The following ATXN7 variants were observed in gnomAD, a reference collection of about 807,000 sequenced individuals.
ATXN7 encodes ataxin 7, also known as ataxin-7.
ATXN7 carries 12 observed loss-of-function variants against 70.5 expected under a neutral mutation model. The ratio of observed to expected loss-of-function variants is 0.17; its 90% CI spans 0.11 to 0.28. The LOEUF is 0.28. Ranked by LOEUF, ATXN7 falls within the 10% of genes least tolerant of loss-of-function variation. ATXN7 has a pLI of 1.00. For missense variants in ATXN7, 1,256 were observed against 1,131.7 expected (o/e 1.11, Z -1.58); for synonymous variants, 498 against 448.7 (o/e 1.11, Z -1.39).
rs553671219 is a variant in ATXN7 at position 63,990,509 on chromosome 3, G to C, written c.1560+135G>C. On this transcript the variant is annotated intron_variant, in intron 10 of 12. Transcript: ENST00000674280. Reference sequence around the variant, plus strand: ...AAGGTGTGAGAGAAGTTCAAAACAGGGTGCCCCAGAGGCAGCACACACTCT... The same window carrying C: ...AAGGTGTGAGAGAAGTTCAAAACAGCGTGCCCCAGAGGCAGCACACACTCT... 2.3e-5 allele frequency: 29 copies of C among 1,252,022 alleles called. No individual in the cohort carries two copies. In the Admixed American group the frequency reaches 3.5e-4, roughly 15 times the overall value. The allele number at this position is 1,252,022 out of a possible 1,614,324, so 77.6% of individuals were successfully genotyped here. A position where few individuals can be genotyped will look rare whatever the true frequency, so the allele number is the denominator to read the frequency against.
intron 12 of ATXN7, chr3:63,998,703 C>T (rs1329287961): frequency 1.0e-6 from 1 of 982,008 alleles, no homozygotes; most frequent in Non-Finnish European, 1.2e-6. Context: ...AGAAGTATTG[C>T]ACATTTTTAT....
intron 6 of ATXN7, chr3:63,980,613 G>A (rs948675064): frequency 5.7e-6 from 1 of 174,562 alleles, no homozygotes; most frequent in Admixed American, 5.4e-5. Flanking sequence ...GCAAGGCACT[G>A]TTTCTGTCTA....
rs2075850667 is a variant in ATXN7, at chr3:64,002,992, T to G, written c.*3525T>G. The G allele has an allele frequency of 6.6e-6, 1 of 152,190 alleles. No individual in the cohort carries two copies. The highest frequency in any genetic ancestry group is 1.5e-5 in the Non-Finnish European group (1 of 68,028). 9.4% of individuals were successfully genotyped at this position (152,190 alleles called of 1,614,324 possible). ...ATGTAACTTATAAGGGCAGCTGTCT[T>G]CCTGCAAGAGTTCTGTTGCCAAGGA... is the stretch of plus-strand genomic sequence containing the variant. On this transcript the variant is annotated 3_prime_UTR_variant, in exon 13 of 13. Coordinates refer to ENST00000674280, the MANE Select transcript of ATXN7 (RefSeq NM_001377405.1).
In ATXN7 at chr3:63,980,437, C is replaced by CACT; in HGVS notation, c.752+271_752+273dup. On this transcript the variant is annotated intron_variant, in intron 6 of 12. Coordinates refer to ENST00000674280, the MANE Select transcript of ATXN7 (RefSeq NM_001377405.1). The stretch of plus-strand genomic sequence containing the variant: ...ACCTAACTCTATGTGTGTACTATGT[C>CACT]ACTTATCACAACAACCCTATGGAAT... The CACT allele has an allele frequency of 6.5e-6, 3 of 463,070 alleles. No individual in the cohort carries two copies. In the South Asian group the frequency reaches 8.5e-5, roughly 13 times the overall value. The allele number at this position is 463,070 out of a possible 1,614,324, so 28.7% of individuals were successfully genotyped here.
At chr3:63,925,084 C>T (rs1455565611) in intron 4 of ATXN7, among the ~76,000 whole-genome samples, 2 of 152,116 alleles carry the variant, frequency 1.3e-5, no homozygotes, top group African/African-American at 4.8e-5. Flanking sequence ...ATCACATTCT[C>T]ATGAGAGGAA....
intron 1 of ATXN7, among the ~76,000 whole-genome samples, chr3:63,884,239 A>T (rs1575845201): frequency 1.0e-5 from 1 of 95,390 alleles, no homozygotes; most frequent in Admixed American, 1.2e-4. Flanking sequence ...ACACACACAC[A>T]CATACTCTCA....
At chr3:63,964,356 A>C (rs373029866) in intron 5 of ATXN7, among the ~76,000 whole-genome samples, 41 of 152,112 alleles carry the variant, frequency 2.7e-4, no homozygotes, top group African/African-American at 8.9e-4. Context: ...AGAGGATCAT[A>C]ATTTTGAGTG....
intron 2 of ATXN7, among the ~76,000 whole-genome samples, chr3:63,911,337 G>A (rs1036350582): frequency 2.6e-5 from 4 of 152,124 alleles, no homozygotes; most frequent in African/African-American, 9.7e-5. Context: ...CAAATGTTGT[G>A]TATGTTGGGG....
chr3:63,921,560 C>T (rs1704512967), intron 4 of ATXN7, among the ~76,000 whole-genome samples: 1 of 152,160 alleles, frequency 6.6e-6, no homozygotes, highest in South Asian at 2.1e-4. Flanking sequence ...AGCTTTAAAT[C>T]ATTATTTCCA....
intron 5 of ATXN7, among the ~76,000 whole-genome samples, chr3:63,978,180 G>A (rs1030668064): frequency 2.0e-5 from 3 of 152,270 alleles, no homozygotes; most frequent in Non-Finnish European, 4.4e-5. Flanking sequence ...CACCCCAAAC[G>A]AATTAACTCA....
chr3:63,867,456 A>G (rs1702467095), intron 1 of ATXN7, among the ~76,000 whole-genome samples: 1 of 152,134 alleles, frequency 6.6e-6, no homozygotes, highest in Non-Finnish European at 1.5e-5. Context: ...CTCCTGCCAC[A>G]GCCTCCCAGA....
At chr3:63,907,583 C>T (rs912307226) in intron 2 of ATXN7, among the ~76,000 whole-genome samples, 13 of 151,102 alleles carry the variant, frequency 8.6e-5, no homozygotes, top group African/African-American at 2.4e-4. Flanking sequence ...CTCAGCCTCC[C>T]GAGTAGCTGG....
rs550173525 is a variant in ATXN7, at chr3:63,935,236, C to T, written c.395-17143C>T. 2.6e-5 allele frequency among the ~76,000 whole-genome samples: 4 copies of T among 152,142 alleles called. No homozygotes were observed. In the Middle Eastern group the frequency reaches 0.01, roughly 388 times the overall value. On this transcript the variant is annotated intron_variant, in intron 4 of 12. Transcript: ENST00000674280. ...GATCACTTACGGCGATTCCTGTGGC[C>T]CTGCAGTAACTAAATTATTTGGAGT... is the stretch of plus-strand genomic sequence containing the variant.
rs1703933539 is a variant in ATXN7, at chr3:63,909,102, T to TG, written c.-11-3484dup. On this transcript the variant is annotated intron_variant, in intron 2 of 12. Coordinates refer to ENST00000674280, the MANE Select transcript of ATXN7 (RefSeq NM_001377405.1). The stretch of plus-strand genomic sequence containing the variant: ...TCTGTAGCAGGCAATCAGGAATTGT[T>TG]GGATAAATTGAATACTCATTATTCA... Among the ~76,000 whole-genome samples, 3 of 152,210 alleles carry TG rather than the reference T, an allele frequency of 2.0e-5. 1 individual carries two copies. Among genetic ancestry groups the TG allele is most frequent in the Admixed American group, 2.0e-4 (3 of 15,280 alleles).
At chr3:63,998,731 G>A (rs898311162) in intron 12 of ATXN7, 118 of 968,296 alleles carry the variant, frequency 1.2e-4, no homozygotes, top group Non-Finnish European at 1.4e-4. Flanking sequence ...TTCATTTATC[G>A]TATAGCTTTC....
Position 63,982,311 on chromosome 3 carries a change from C to T in ATXN7, c.878C>T (p.Pro293Leu), listed in dbSNP as rs976508390. 3 of 1,614,158 alleles carry T rather than the reference C, an allele frequency of 1.9e-6. No individual in the cohort carries two copies. Among genetic ancestry groups the T allele is most frequent in the Middle Eastern group, 1.6e-4 (1 of 6,062 alleles). ...SSLVKPGLNC[P>L]SIPKPTLPSP... ...TTAGTCAAGCCTGGCCTTAACTGCC[C>T]CTCAATACCAAAGCCAACCTTGCCT... The change falls in exon 7 of 13, where the codon CCC becomes CTC. Residue 293 changes from proline to leucine, a missense_variant. Physicochemically the swap from Pro to Leu is moderately conservative, Grantham distance 98. Transcript: ENST00000674280.
chr3:63,890,475 G>A (rs1229886795), intron 1 of ATXN7, among the ~76,000 whole-genome samples: 2 of 152,076 alleles, frequency 1.3e-5, no homozygotes, highest in Non-Finnish European at 2.9e-5. Flanking sequence ...GTATAACAGG[G>A]CATTACATAA....
chr3:63,972,012 T>C (rs1214331272), intron 5 of ATXN7, among the ~76,000 whole-genome samples: 3 of 152,214 alleles, frequency 2.0e-5, no homozygotes, highest in Non-Finnish European at 4.4e-5. Flanking sequence ...TAAGGAGTTA[T>C]AATCCTTGTG....
chr3:63,930,228 A>T (rs1376427540), intron 4 of ATXN7, among the ~76,000 whole-genome samples: 1 of 152,218 alleles, frequency 6.6e-6, no homozygotes, highest in Non-Finnish European at 1.5e-5. Context: ...ATTTTAAAAG[A>T]TAAGTTTTTA....
Sources: gnomAD v4.1 joint callset for allele counts (sites outside exome capture counted in the v4.1 genomes callset) on GRCh38, gnomAD v4.1.1 for gene constraint, MANE v1.5 for transcripts, NCBI Gene and HGNC (gene_info 2026-07-23, HGNC 2026-07-21) for gene names.